EYS: variants seen among roughly 807,000 people sequenced by gnomAD.
EYS encodes the protein protein eyes shut homolog.
EYS carries 250 observed loss-of-function variants against 282.1 expected under a neutral mutation model. The ratio of observed to expected loss-of-function variants is 0.89; its 90% CI spans 0.80 to 0.98. The LOEUF (loss-of-function observed/expected upper bound fraction) is 0.98. Ranked by LOEUF, EYS falls within the 50% of genes least tolerant of loss-of-function variation. The probability of loss-of-function intolerance (pLI) is 0.00; values close to 1 mark genes in which losing one functional copy is unlikely to be tolerated. For synonymous variants in EYS, 1,355 were observed against 1,282.9 expected (o/e 1.06, Z -1.20); for missense variants, 4,016 against 3,709.0 (o/e 1.08, Z -2.15).
At chr6:65,531,653 C>T (rs1399181875) in intron 2 of EYS, among the ~76,000 whole-genome samples, 2 of 152,132 alleles carry the variant, frequency 1.3e-5, no homozygotes, top group Non-Finnish European at 2.9e-5. Flanking sequence ...AATCTATTTC[C>T]TCTTCATTTT....
At chr6:65,187,915 A>G (rs1350938986) in intron 12 of EYS, among the ~76,000 whole-genome samples, 1 of 151,618 alleles carries the variant, frequency 6.6e-6, no homozygotes, top group African/African-American at 2.4e-5. Context: ...AAACTAAACT[A>G]TGTTCTTTTT....
At chr6:63,915,542 A>C (rs1342555770) in intron 35 of EYS, among the ~76,000 whole-genome samples, 1 of 152,182 alleles carries the variant, frequency 6.6e-6, no homozygotes, top group African/African-American at 2.4e-5. Flanking sequence ...TTATTATTTA[A>C]CAAATGTATT....
chr6:63,851,707 C>T (rs1203454909), intron 36 of EYS, among the ~76,000 whole-genome samples: 1 of 152,164 alleles, frequency 6.6e-6, no homozygotes, highest in Non-Finnish European at 1.5e-5. Flanking sequence ...TAAGTGCCCA[C>T]ATCAGAAAGT....
intron 12 of EYS, among the ~76,000 whole-genome samples, chr6:65,123,754 C>CACACA (rs1554157066): frequency 4.7e-4 from 41 of 86,946 alleles, no homozygotes; most frequent in Middle Eastern, 6.5e-3. Context: ...TAACACCCAC[C>CACACA]CACCCACACA....
At position 64,304,966 on chromosome 6, in the gene EYS, AAAG is replaced by A. The variant is rs528858452; in HGVS notation, c.6191+2001_6191+2003del. On this transcript the variant is annotated intron_variant, in intron 30 of 42. Transcript: ENST00000503581. The stretch of plus-strand genomic sequence containing the variant: ...GTTAACTAAAACTTAATAAGCTAAA[AAAG>A]AAGAAAGAACAATCTAAACCCAAAG... 5.8e-4 allele frequency among the ~76,000 whole-genome samples: 89 copies of A among 152,284 alleles called. 2 individuals carry two copies. The South Asian group carries it at 0.018, about 30-fold the overall frequency.
chr6:64,955,519 T>A (rs1290303398), intron 14 of EYS, among the ~76,000 whole-genome samples: 2 of 151,890 alleles, frequency 1.3e-5, no homozygotes, highest in African/African-American at 4.8e-5. Flanking sequence ...CAGGAAAAAA[T>A]ATGGTTAAGA....
intron 30 of EYS, among the ~76,000 whole-genome samples, chr6:64,276,405 A>T (rs1300972791): frequency 6.6e-6 from 1 of 152,208 alleles, no homozygotes; most frequent in African/African-American, 2.4e-5. Context: ...AATTCCAATG[A>T]GTTCCATCAT....
chr6:65,351,919 A>T (rs1367969521), intron 9 of EYS, among the ~76,000 whole-genome samples: 2 of 151,850 alleles, frequency 1.3e-5, no homozygotes, highest in Admixed American at 1.3e-4. Context: ...GAACTGACAC[A>T]ATCCCTAAAT....
intron 33 of EYS, among the ~76,000 whole-genome samples, chr6:64,063,864 G>A (rs766983272): frequency 5.9e-5 from 9 of 151,992 alleles, no homozygotes; most frequent in African/African-American, 2.2e-4. Context: ...TGAGTAGCTG[G>A]GATTACAGGC....
chr6:63,754,344 C>T (rs947451925), intron 41 of EYS, among the ~76,000 whole-genome samples: 3 of 152,120 alleles, frequency 2.0e-5, no homozygotes, highest in Non-Finnish European at 2.9e-5. Flanking sequence ...CCTCCCCCAG[C>T]CCCCCACTCC....
chr6:65,085,065 C>A (rs1479534457), intron 12 of EYS, among the ~76,000 whole-genome samples: 1 of 152,078 alleles, frequency 6.6e-6, no homozygotes, highest in African/African-American at 2.4e-5. Context: ...GAATCTAGGT[C>A]ATTAGATGTC....
intron 26 of EYS, among the ~76,000 whole-genome samples, chr6:64,563,922 T>C (rs988597689): frequency 1.3e-5 from 2 of 151,940 alleles, no homozygotes; most frequent in African/African-American, 4.8e-5. Context: ...TAATTTTCTA[T>C]TTATTTCTTA....
intron 1 of EYS, among the ~76,000 whole-genome samples, chr6:65,655,033 A>G (rs1767772216): frequency 6.6e-6 from 1 of 151,224 alleles, no homozygotes; most frequent in Admixed American, 6.6e-5. Flanking sequence ...CAGGAATAAA[A>G]TATCTTCATG....
chr6:65,376,332 A>AT (rs746197062), intron 8 of EYS, among the ~76,000 whole-genome samples: 5 of 152,182 alleles, frequency 3.3e-5, no homozygotes, highest in Non-Finnish European at 7.3e-5. Context: ...ACGCTGAAGG[A>AT]TTTTGTGACC....
chr6:64,809,180 A>C (rs992555882), intron 22 of EYS, among the ~76,000 whole-genome samples: 11 of 152,140 alleles, frequency 7.2e-5, no homozygotes, highest in African/African-American at 2.7e-4. Context: ...ACAACCACGA[A>C]GATCAATAAA....
intron 11 of EYS, among the ~76,000 whole-genome samples, chr6:65,334,196 TC>T (rs1769896648): frequency 1.3e-5 from 2 of 151,876 alleles, no homozygotes; most frequent in Admixed American, 1.3e-4. Flanking sequence ...TGTATTTTTT[TC>T]ATTGTAATTA....
chr6:64,799,600 T>G (rs117164067), intron 22 of EYS, among the ~76,000 whole-genome samples: 6,154 of 151,066 alleles, frequency 0.041, 150 homozygotes, highest in East Asian at 0.072. Flanking sequence ...GTAGAGTGAC[T>G]AGGCCATATC....
intron 35 of EYS, among the ~76,000 whole-genome samples, chr6:63,981,851 T>C (rs1767113821): frequency 6.6e-6 from 1 of 151,884 alleles, no homozygotes; most frequent in African/African-American, 2.4e-5. Context: ...ACTCTTTGTG[T>C]GTCTTGAATA....
chr6:64,738,761 T>G (rs1772270996), intron 22 of EYS, among the ~76,000 whole-genome samples: 1 of 152,204 alleles, frequency 6.6e-6, no homozygotes, highest in Admixed American at 6.5e-5. Context: ...ACTCAAATTT[T>G]AGTAATTTTT....
Sources: gnomAD v4.1 joint callset for allele counts (sites outside exome capture counted in the v4.1 genomes callset) on GRCh38, gnomAD v4.1.1 for gene constraint, MANE v1.5 for transcripts, NCBI Gene and HGNC (gene_info 2026-07-23, HGNC 2026-07-21) for gene names.